Variants in ZFHX4 observed in about 807,000 individuals in gnomAD.
ZFHX4 encodes the protein zinc finger homeobox protein 4.
Under a neutral mutation model 267.6 loss-of-function variants are expected in ZFHX4, and 56 were observed. That is an observed-to-expected ratio of 0.21 (90% CI 0.17 to 0.26). The LOEUF is 0.26. Among genes scored for constraint, ZFHX4 ranks in the 10% least tolerant of loss-of-function variants. The pLI, the probability that ZFHX4 is intolerant of heterozygous loss-of-function variation, is 1.00. For synonymous variants in ZFHX4, 1,778 were observed against 1,665.6 expected, an observed-to-expected ratio of 1.07 and a Z score of -1.64; for missense variants, 4,332 against 4,420.0, an observed-to-expected ratio of 0.98 and a Z score of 0.56.
chr8:76,770,839 C>A (rs573567867), intron 3 of ZFHX4, among the ~76,000 whole-genome samples: 64 of 152,044 alleles, frequency 4.2e-4, no homozygotes, highest in Non-Finnish European at 8.1e-4. Flanking sequence ...TCAGAATGAA[C>A]CTTACACTTG....
At chr8:76,821,125 A>C (rs1487015156) in intron 4 of ZFHX4, among the ~76,000 whole-genome samples, 1 of 152,108 alleles carries the variant, frequency 6.6e-6, no homozygotes, top group African/African-American at 2.4e-5. Flanking sequence ...TCAGACATCT[A>C]CACCTAGGTC....
intron 4 of ZFHX4, among the ~76,000 whole-genome samples, chr8:76,783,458 A>G (rs1810605459): frequency 6.6e-6 from 1 of 152,072 alleles, no homozygotes; most frequent in Non-Finnish European, 1.5e-5. Flanking sequence ...TTTGAAGAAT[A>G]ACAAACTCCA....
At chr8:76,742,683 G>C (rs1482408786) in intron 3 of ZFHX4, among the ~76,000 whole-genome samples, 1 of 152,182 alleles carries the variant, frequency 6.6e-6, no homozygotes, top group Non-Finnish European at 1.5e-5. Flanking sequence ...ACACTTAATT[G>C]AACAGTATTT....
At chr8:76,683,896 C>A (rs1388663073) in intron 1 of ZFHX4, 1 of 151,394 alleles carries the variant, frequency 6.6e-6, no homozygotes, top group African/African-American at 2.4e-5. Flanking sequence ...GCGATTGGGA[C>A]GCGACAGTGA....
chr8:76,711,245 C>T (rs1808416123), intron 3 of ZFHX4, among the ~76,000 whole-genome samples: 1 of 152,064 alleles, frequency 6.6e-6, no homozygotes, highest in Admixed American at 6.6e-5. Flanking sequence ...TTAAGAAAAT[C>T]TTACCCATTT....
chr8:76,721,545 T>C (rs1359127197), intron 3 of ZFHX4, among the ~76,000 whole-genome samples: 2 of 152,172 alleles, frequency 1.3e-5, no homozygotes, highest in African/African-American at 2.4e-5. Flanking sequence ...TGCTTTATTT[T>C]TTCTTGTAAG....
At chr8:76,753,315 C>T (rs923187794) in intron 3 of ZFHX4, among the ~76,000 whole-genome samples, 1 of 152,150 alleles carries the variant, frequency 6.6e-6, no homozygotes, top group Admixed American at 6.5e-5. Context: ...TCTCTTAGCC[C>T]ATTTGCTTCA....
At chr8:76,772,492 G>A (rs555163943) in intron 3 of ZFHX4, among the ~76,000 whole-genome samples, 39 of 152,208 alleles carry the variant, frequency 2.6e-4, no homozygotes, top group Non-Finnish European at 5.1e-4. Flanking sequence ...AGAGAGTTAT[G>A]GCTAAAGCCA....
rs1585983730 is a variant in ZFHX4 at position 76,825,856 on chromosome 8, C to T, written c.3326-7482C>T. Among the ~76,000 whole-genome samples, 3 of 152,200 alleles carry T rather than the reference C, an allele frequency of 2.0e-5. No individual in the cohort carries two copies. The South Asian group carries it at 6.2e-4, about 31-fold the overall frequency. ...TGCAGCCTTAGAGGGAGGCACCTAT[C>T]ATCACAGGTCTTTGAGATGAAAGTG... On this transcript the variant is annotated intron_variant, in intron 4 of 10. Coordinates refer to ENST00000651372, the MANE Select transcript of ZFHX4 (RefSeq NM_024721.5).
At chr8:76,725,963 CAA>C (rs1808841842) in intron 3 of ZFHX4, among the ~76,000 whole-genome samples, 2 of 152,124 alleles carry the variant, frequency 1.3e-5, no homozygotes, top group Admixed American at 6.6e-5. Flanking sequence ...CTTGAGGAAG[CAA>C]CTGATATGAA....
chr8:76,784,987 C>T (rs1810650495), intron 4 of ZFHX4, among the ~76,000 whole-genome samples: 1 of 151,928 alleles, frequency 6.6e-6, no homozygotes, highest in African/African-American at 2.4e-5. Flanking sequence ...AATTAGATCT[C>T]TTCATTTCTA....
In ZFHX4 at chr8:76,705,927, C is replaced by G. The variant is rs371449494; in HGVS notation, c.1839C>G (p.Ile613Met). The G allele has an allele frequency of 6.2e-7, 1 of 1,613,226 alleles. No individual in the cohort carries two copies. The highest frequency in any genetic ancestry group is 8.5e-7 in the Non-Finnish European group (1 of 1,179,806). ...PGGDGSPGSG[I>M]ECPKCDTVLG... ...GAGACGGCTCACCGGGCAGTGGCATCGAGTGTCCAAAGTGCGACACTGTGT... is the reference window on the plus strand; with the variant it reads ...GAGACGGCTCACCGGGCAGTGGCATGGAGTGTCCAAAGTGCGACACTGTGT... Residue 613 changes from isoleucine to methionine, a missense_variant, in exon 2 of 11, where the codon ATC becomes ATG. This residue lies in a region of ZFHX4 where 1,195 missense variants were observed against 1,173.6 expected (regional missense o/e 1.02). Transcript: ENST00000651372.
chr8:76,700,167 T>C (rs933746837), intron 1 of ZFHX4, among the ~76,000 whole-genome samples: 1 of 152,094 alleles, frequency 6.6e-6, no homozygotes, highest in Admixed American at 6.6e-5. Context: ...CAAATTATCA[T>C]GTAAGTGGAC....
rs571209553 is a variant in ZFHX4 at position 76,855,138 on chromosome 8, A to C, written c.8217A>C (p.Lys2739Asn). The change falls in exon 10 of 11, where the codon AAA becomes AAC. Residue 2739 changes from lysine to asparagine, a missense_variant. Lys to Asn is a moderately conservative substitution (Grantham distance 94, BLOSUM62 0). Transcript: ENST00000651372. ...YFDYPSLPLT[K>N]IDLSSENELA... ...ATTACCCATCTTTGCCATTAACTAA[A>C]ATTGATCTATCAAGTGAGAATGAAT... 3.7e-6 allele frequency: 6 copies of C among 1,613,732 alleles called. No homozygotes were observed. In the South Asian group the frequency reaches 6.6e-5, roughly 18 times the overall value.
chr8:76,748,077 T>C (rs1257389826), intron 3 of ZFHX4, among the ~76,000 whole-genome samples: 4 of 152,248 alleles, frequency 2.6e-5, no homozygotes, highest in Non-Finnish European at 5.9e-5. Context: ...GCTTTTATAA[T>C]CTTAACTACT....
chr8:76,822,116 C>G (rs1010392505), intron 4 of ZFHX4, among the ~76,000 whole-genome samples: 2 of 152,108 alleles, frequency 1.3e-5, no homozygotes, highest in Admixed American at 6.6e-5. Flanking sequence ...TCCAAACCTT[C>G]TTTTTACTCT....
intron 4 of ZFHX4, among the ~76,000 whole-genome samples, chr8:76,804,774 G>C (rs1213094673): frequency 6.6e-6 from 1 of 152,024 alleles, no homozygotes; most frequent in Non-Finnish European, 1.5e-5. Flanking sequence ...TTTAAAGTCG[G>C]ATTAAGTGAG....
intron 3 of ZFHX4, among the ~76,000 whole-genome samples, chr8:76,761,807 T>C (rs1054287993): frequency 1.3e-5 from 2 of 152,184 alleles, no homozygotes; most frequent in Non-Finnish European, 2.9e-5. Context: ...TTTGACTGCT[T>C]TCTGGCCTGA....
chr8:76,849,035 A>AG lies in ZFHX4; in HGVS notation c.3557dup (p.Thr1187TyrfsTer24). ...AGAAGGAACTAAAAGTTAGTGTGGCAGGGGGTACCCAGCCACTCCTGCTGG... is the reference window on the plus strand; with the variant it reads ...AGAAGGAACTAAAAGTTAGTGTGGCAGGGGGGTACCCAGCCACTCCTGCTGG... On this transcript the variant is annotated frameshift_variant, in exon 7 of 11. Transcript: ENST00000651372. LOFTEE classifies it high-confidence loss of function. The AG allele has an allele frequency of 6.4e-7, 1 of 1,560,722 alleles. No homozygotes were observed. The highest frequency in any genetic ancestry group is 8.7e-7 in the Non-Finnish European group (1 of 1,152,192).
Sources: gnomAD v4.1 joint callset for allele counts (sites outside exome capture counted in the v4.1 genomes callset) on GRCh38, gnomAD v4.1.1 for gene constraint, gnomAD v4.1.1 regional missense constraint, MANE v1.5 for transcripts, NCBI Gene and HGNC (gene_info 2026-07-23, HGNC 2026-07-21) for gene names.